Variants in CCDC85A observed in about 807,000 individuals in gnomAD.
The protein encoded by CCDC85A is coiled-coil domain containing 85A.
In CCDC85A, 38 loss-of-function variants were observed where a neutral mutation model predicts 50.2. The ratio of observed to expected loss-of-function variants is 0.76; its 90% CI spans 0.58 to 0.99. The LOEUF is 0.99. CCDC85A is among the 50% of genes least tolerant of loss of function. CCDC85A has a pLI of 0.00. For synonymous variants in CCDC85A, 366 were observed against 301.4 expected, an observed-to-expected ratio of 1.21 and a Z score of -2.22; for missense variants, 820 against 742.0, an observed-to-expected ratio of 1.11 and a Z score of -1.22.
At chr2:56,282,594 C>T (rs567410849) in intron 2 of CCDC85A, among the ~76,000 whole-genome samples, 28 of 152,360 alleles carry the variant, frequency 1.8e-4, no homozygotes, top group African/African-American at 6.7e-4. Flanking sequence ...ACCGCAACCT[C>T]CGCCTCCCAG....
intron 3 of CCDC85A, among the ~76,000 whole-genome samples, chr2:56,348,675 A>G (rs1217344278): frequency 6.6e-6 from 1 of 152,290 alleles, no homozygotes; most frequent in East Asian, 1.9e-4. Context: ...TCTCACTTCC[A>G]TGGCAACACA....
intron 4 of CCDC85A, 85 bp downstream of exon 4, chr2:56,372,563 G>A: frequency 1.5e-6 from 2 of 1,346,902 alleles, no homozygotes; most frequent in Non-Finnish European, 1.9e-6. Context: ...ATACTGGGGG[G>A]TAGAAAACAA....
At chr2:56,383,300 A>G (rs746731518) in intron 5 of CCDC85A, among the ~76,000 whole-genome samples, 6 of 151,998 alleles carry the variant, frequency 3.9e-5, no homozygotes, top group Admixed American at 1.3e-4. Context: ...TTTTGTGTTC[A>G]CGTCAGAGTG....
At chr2:56,219,522 T>C (rs1340898537) in intron 2 of CCDC85A, among the ~76,000 whole-genome samples, 2 of 151,690 alleles carry the variant, frequency 1.3e-5, no homozygotes, top group African/African-American at 2.4e-5. Flanking sequence ...TTCCTACAAA[T>C]CCCATCTTTC....
At chr2:56,268,705 T>C (rs1670565716) in intron 2 of CCDC85A, among the ~76,000 whole-genome samples, 1 of 152,032 alleles carries the variant, frequency 6.6e-6, no homozygotes, top group South Asian at 2.1e-4. Context: ...CTGACATCAT[T>C]ATCACAAAAT....
At chr2:56,318,301 G>C (rs1051077619) in intron 2 of CCDC85A, among the ~76,000 whole-genome samples, 1 of 152,010 alleles carries the variant, frequency 6.6e-6, no homozygotes, top group Admixed American at 6.6e-5. Flanking sequence ...GAGGAAGGCT[G>C]TTTTTCAGTT....
intron 2 of CCDC85A, among the ~76,000 whole-genome samples, chr2:56,210,691 T>C (rs563200649): frequency 3.9e-5 from 6 of 152,096 alleles, no homozygotes; most frequent in Admixed American, 3.9e-4. Flanking sequence ...TTCCAGAATT[T>C]CCATGTGTTC....
At chr2:56,220,287 TC>T (rs1385226441) in intron 2 of CCDC85A, among the ~76,000 whole-genome samples, 12 of 152,006 alleles carry the variant, frequency 7.9e-5, no homozygotes, top group African/African-American at 2.7e-4. Context: ...TTATATTCTT[TC>T]TTTAAAAGGC....
chr2:56,364,803 C>G (rs911000251), intron 3 of CCDC85A, among the ~76,000 whole-genome samples: 1 of 152,142 alleles, frequency 6.6e-6, no homozygotes, highest in South Asian at 2.1e-4. Flanking sequence ...TCAATATTGT[C>G]CTTTTAATTT....
At chr2:56,383,114 T>A (rs565863848) in intron 5 of CCDC85A, among the ~76,000 whole-genome samples, 2 of 152,102 alleles carry the variant, frequency 1.3e-5, no homozygotes, top group South Asian at 4.1e-4. Flanking sequence ...TGTATTGGTA[T>A]ATGCTGAGGC....
intron 2 of CCDC85A, among the ~76,000 whole-genome samples, chr2:56,311,118 A>G (rs943983493): frequency 2.0e-5 from 3 of 152,064 alleles, no homozygotes; most frequent in African/African-American, 4.8e-5. Context: ...AATGATTTTG[A>G]TTCCTATTTT....
intron 2 of CCDC85A, among the ~76,000 whole-genome samples, chr2:56,207,711 T>G (rs1295576625): frequency 2.0e-5 from 3 of 152,168 alleles, no homozygotes; most frequent in Non-Finnish European, 4.4e-5. Context: ...GTCCACCATC[T>G]GTTCTTTATT....
At chr2:56,263,051 G>A (rs531555122) in intron 2 of CCDC85A, among the ~76,000 whole-genome samples, 6 of 152,092 alleles carry the variant, frequency 3.9e-5, no homozygotes, top group African/African-American at 1.2e-4. Context: ...GGTAAGAAAA[G>A]CACTAGAAAT....
intron 2 of CCDC85A, among the ~76,000 whole-genome samples, chr2:56,260,054 C>G (rs1435835688): frequency 3.3e-5 from 5 of 152,086 alleles, no homozygotes; most frequent in Non-Finnish European, 7.4e-5. Context: ...GTTTAGCACC[C>G]AAACTAGCAT....
chr2:56,293,006 A>G (rs1234976017), intron 2 of CCDC85A, among the ~76,000 whole-genome samples: 1 of 152,216 alleles, frequency 6.6e-6, no homozygotes, highest in Non-Finnish European at 1.5e-5. Context: ...TGGCACACAT[A>G]GAAATGAGAG....
chr2:56,246,421 A>G (rs1379971203), intron 2 of CCDC85A, among the ~76,000 whole-genome samples: 2 of 152,068 alleles, frequency 1.3e-5, no homozygotes, highest in Non-Finnish European at 2.9e-5. Context: ...TTGGTGTCAT[A>G]TCTAAAAAAA....
At chr2:56,252,636 G>A (rs891254964) in intron 2 of CCDC85A, among the ~76,000 whole-genome samples, 47 of 152,012 alleles carry the variant, frequency 3.1e-4, no homozygotes, top group African/African-American at 1.1e-3. Flanking sequence ...GTGGTTTGCT[G>A]CACCCATCAA....
At chr2:56,187,411 C>T (rs1237273293) in intron 1 of CCDC85A, among the ~76,000 whole-genome samples, 1 of 152,174 alleles carries the variant, frequency 6.6e-6, no homozygotes, top group Non-Finnish European at 1.5e-5. Context: ...TTTCAGGGGC[C>T]TGTGGCCGGG....
chr2:56,185,008 C>G, intron 1 of CCDC85A, 108 bp downstream of exon 1: 1 of 1,334,954 alleles, frequency 7.5e-7, no homozygotes. Context: ...GGTGACCCTC[C>G]CCTTCTCCCG....
Sources: allele counts gnomAD v4.1 joint callset (sites outside exome capture counted in the v4.1 genomes callset), GRCh38; gene constraint gnomAD v4.1.1; transcripts MANE v1.5; gene names NCBI Gene and HGNC (gene_info 2026-07-23, HGNC 2026-07-21).